The following LEPR variants were observed in gnomAD, a reference collection of about 807,000 sequenced individuals.
LEPR encodes the protein leptin receptor.
LEPR carries 56 observed loss-of-function variants against 114.7 expected under a neutral mutation model. That is an observed-to-expected ratio of 0.49 (90% CI 0.39 to 0.61). LEPR has a LOEUF of 0.61. Among genes scored for constraint, LEPR ranks in the 20% least tolerant of loss-of-function variants. LEPR has a pLI of 0.00. For missense variants in LEPR, 1,202 were observed against 1,352.9 expected, an observed-to-expected ratio of 0.89 and a Z score of 1.75; for synonymous variants, 443 against 461.4, an observed-to-expected ratio of 0.96 and a Z score of 0.51.
intron 2 of LEPR, among the ~76,000 whole-genome samples, chr1:65,491,350 T>A (rs762737325): frequency 4.4e-4 from 67 of 152,094 alleles, no homozygotes; most frequent in Admixed American, 7.9e-4. Flanking sequence ...AGAGGCCCCA[T>A]TTCCAGCTAA....
chr1:65,615,450 G>A (rs563259565), intron 14 of LEPR, among the ~76,000 whole-genome samples: 57 of 152,210 alleles, frequency 3.7e-4, no homozygotes, highest in South Asian at 3.1e-3. Flanking sequence ...ACACTGTTTT[G>A]ATGGCCTCTG....
intron 2 of LEPR, among the ~76,000 whole-genome samples, chr1:65,534,926 C>A (rs1266153377): frequency 6.6e-6 from 1 of 152,112 alleles, no homozygotes; most frequent in East Asian, 1.9e-4. Flanking sequence ...TAGTTTTTCT[C>A]AGAATTAATT....
intron 2 of LEPR, among the ~76,000 whole-genome samples, chr1:65,500,862 A>G (rs891384950): frequency 6.6e-6 from 1 of 152,112 alleles, no homozygotes; most frequent in Non-Finnish European, 1.5e-5. Context: ...GTTATTCTTT[A>G]AATTCCAGCA....
At chr1:65,559,960 A>G (rs1406975573) in intron 2 of LEPR, among the ~76,000 whole-genome samples, 1 of 145,948 alleles carries the variant, frequency 6.9e-6, no homozygotes, top group East Asian at 1.9e-4. Flanking sequence ...GTAGCCTTGT[A>G]GTACAGTTTG....
Position 65,552,605 on chromosome 1 carries a change from A to T in LEPR, c.-20-12941A>T, listed in dbSNP as rs576798738. 6.6e-5 allele frequency among the ~76,000 whole-genome samples: 10 copies of T among 152,148 alleles called. No homozygotes were observed. In the South Asian group the frequency reaches 2.1e-3, roughly 32 times the overall value. ...TTTATTTTGAGCCTATGTGTCTCAC[A>T]TGCAAAGGCATGTGAGACTGGTCTC... is the stretch of plus-strand genomic sequence containing the variant. On this transcript the variant is annotated intron_variant, in intron 2 of 19. Transcript: ENST00000349533.
At chr1:65,606,299 C>T (rs1027418217) in intron 11 of LEPR, among the ~76,000 whole-genome samples, 3 of 152,138 alleles carry the variant, frequency 2.0e-5, no homozygotes, top group African/African-American at 7.2e-5. Flanking sequence ...CTCCCCCAAA[C>T]ATGCACAGAT....
At chr1:65,457,044 A>C (rs116498241) in intron 2 of LEPR, among the ~76,000 whole-genome samples, 1 of 152,130 alleles carries the variant, frequency 6.6e-6, no homozygotes, top group Non-Finnish European at 1.5e-5. Flanking sequence ...CAAGAATCCA[A>C]TCCTTCAAAT....
At chr1:65,434,434 T>G (rs1646530893) in intron 2 of LEPR, 1 of 985,258 alleles carries the variant, frequency 1.0e-6, no homozygotes, top group Admixed American at 6.1e-5. Flanking sequence ...ATGAAGGGAT[T>G]CTTTATCATG....
rs1644859723 is a variant in LEPR, at chr1:65,641,065, GCC to G, written c.*4051_*4052del. 1 of 152,092 alleles carries G rather than the reference GCC, an allele frequency of 6.6e-6. No individual in the cohort carries two copies. The allele number at this position is 152,092 out of a possible 1,614,324, so 9.4% of individuals were successfully genotyped here. ...TTCTGGGATTACAGGTGTGAGAGCTGCCGCGCCTAGCCCTTCATGAGGTTTTA... is the reference window on the plus strand; with the variant it reads ...TTCTGGGATTACAGGTGTGAGAGCTGGCGCCTAGCCCTTCATGAGGTTTTA... On this transcript the variant is annotated 3_prime_UTR_variant, in exon 20 of 20. Coordinates refer to ENST00000349533, the MANE Select transcript of LEPR (RefSeq NM_002303.6).
At chr1:65,580,788 G>A (rs187601513) in intron 5 of LEPR, among the ~76,000 whole-genome samples, 1 of 152,324 alleles carries the variant, frequency 6.6e-6, no homozygotes, top group East Asian at 1.9e-4. Context: ...GTGGAAACAA[G>A]TACTAGGGAT....
intron 5 of LEPR, among the ~76,000 whole-genome samples, chr1:65,590,391 T>A (rs1655610489): frequency 6.6e-6 from 1 of 151,272 alleles, no homozygotes; most frequent in Non-Finnish European, 1.5e-5. Flanking sequence ...CCCACCTAAA[T>A]CTCATCTTGT....
chr1:65,595,092 A>C (rs1214019380), intron 6 of LEPR, among the ~76,000 whole-genome samples: 2 of 152,010 alleles, frequency 1.3e-5, no homozygotes, highest in African/African-American at 4.8e-5. Context: ...ATTGGAGTAA[A>C]GGGGAAGCTT....
intron 2 of LEPR, among the ~76,000 whole-genome samples, chr1:65,548,596 T>C (rs886070954): frequency 6.6e-6 from 1 of 152,194 alleles, no homozygotes; most frequent in African/African-American, 2.4e-5. Flanking sequence ...CTTTGTTGGT[T>C]TAAAGTCTGT....
intron 2 of LEPR, among the ~76,000 whole-genome samples, chr1:65,440,406 G>C (rs1417264758): frequency 2.0e-5 from 3 of 150,842 alleles, no homozygotes; most frequent in African/African-American, 7.3e-5. Context: ...TCACAAATAA[G>C]TCAAATGGAT....
chr1:65,503,143 G>T (rs1203649220), intron 2 of LEPR, among the ~76,000 whole-genome samples: 1 of 152,062 alleles, frequency 6.6e-6, no homozygotes, highest in African/African-American at 2.4e-5. Context: ...ACATTACTGG[G>T]GTTTGGGGAG....
chr1:65,558,528 T>TTTTTG (rs1557662054), intron 2 of LEPR, among the ~76,000 whole-genome samples: 1 of 47,728 alleles, frequency 2.1e-5, no homozygotes, highest in African/African-American at 7.6e-5. Context: ...AATCAGAAGT[T>TTTTTG]TTTTTTTTTG....
chr1:65,544,951 C>T (rs991615965), intron 2 of LEPR, among the ~76,000 whole-genome samples: 3 of 149,396 alleles, frequency 2.0e-5, no homozygotes, highest in African/African-American at 7.4e-5. Flanking sequence ...TGCTATCCCT[C>T]CCCACTCCCC....
At chr1:65,514,486 T>G (rs1274056333) in intron 2 of LEPR, among the ~76,000 whole-genome samples, 1 of 152,222 alleles carries the variant, frequency 6.6e-6, no homozygotes, top group East Asian at 1.9e-4. Context: ...CTATGATTGT[T>G]GTAGATAAAT....
At position 65,459,857 on chromosome 1, in the gene LEPR, C is replaced by T. The variant is rs181525310; in HGVS notation, c.-21+34479C>T. On this transcript the variant is annotated intron_variant, in intron 2 of 19. Transcript: ENST00000349533. ...ATTTGCACACTCCAAGCTCATCTTA[C>T]CTCAGAACCTTTGCCCTTGCTATAC... Among the ~76,000 whole-genome samples the T allele has an allele frequency of 4.6e-5, 7 of 152,296 alleles. No individual in the cohort carries two copies. In the East Asian group the frequency reaches 7.7e-4, roughly 17 times the overall value.
Sources: gnomAD v4.1 joint callset for allele counts (sites outside exome capture counted in the v4.1 genomes callset) on GRCh38, gnomAD v4.1.1 for gene constraint, MANE v1.5 for transcripts, NCBI Gene and HGNC (gene_info 2026-07-23, HGNC 2026-07-21) for gene names.